The following CCDC141 variants were observed in gnomAD, a reference collection of about 807,000 sequenced individuals.
The protein encoded by CCDC141 is coiled-coil domain containing 141.
In CCDC141, 168 loss-of-function variants were observed where a neutral mutation model predicts 181.0. The ratio of observed to expected loss-of-function variants is 0.93; its 90% CI spans 0.82 to 1.05. CCDC141 has a LOEUF of 1.05. Among genes scored for constraint, CCDC141 ranks in the 50% least tolerant of loss-of-function variants. The pLI, the probability that CCDC141 is intolerant of heterozygous loss-of-function variation, is 0.00. For missense variants in CCDC141, 1,902 were observed against 1,788.5 expected, an observed-to-expected ratio of 1.06 and a Z score of -1.14; for synonymous variants, 666 against 642.3, an observed-to-expected ratio of 1.04 and a Z score of -0.56.
chr2:178,853,422 A>G lies in CCDC141; in HGVS notation c.3244+19T>C. On this transcript the variant is annotated intron_variant, in intron 20 of 23. Transcript: ENST00000443758. ...TTTGTTCAATGGCCAATCACTGGAT[A>G]TCTTAAAAGAGATCTCACCATATAA... 1 of 1,609,152 alleles carries G rather than the reference A, an allele frequency of 6.2e-7. No homozygotes were observed. The highest frequency in any genetic ancestry group is 8.5e-7 in the Non-Finnish European group (1 of 1,177,248).
chr2:178,840,643 G>C (rs1684681735), intron 22 of CCDC141, among the ~76,000 whole-genome samples: 1 of 152,174 alleles, frequency 6.6e-6, no homozygotes, highest in African/African-American at 2.4e-5. Flanking sequence ...TGGTCGTCTA[G>C]ATGGGCACCC....
chr2:178,896,315 G>A (rs11891685), intron 8 of CCDC141, among the ~76,000 whole-genome samples: 1,727 of 152,206 alleles, frequency 0.011, 38 homozygotes, highest in African/African-American at 0.039. Context: ...AGAAGTGACC[G>A]CAACATCCAC....
At chr2:178,941,789 C>CAA (rs112697064) in intron 6 of CCDC141, among the ~76,000 whole-genome samples, 14 of 144,450 alleles carry the variant, frequency 9.7e-5, no homozygotes, top group East Asian at 8.1e-4. Flanking sequence ...CCCGTCTCTA[C>CAA]AAAAAAAAAA....
intron 8 of CCDC141, among the ~76,000 whole-genome samples, chr2:178,905,063 C>T (rs1687896204): frequency 6.6e-6 from 1 of 152,144 alleles, no homozygotes; most frequent in Non-Finnish European, 1.5e-5. Flanking sequence ...TTACTTTGTC[C>T]ATTCCCTTTC....
chr2:178,895,013 G>A (rs1687339566), intron 8 of CCDC141, among the ~76,000 whole-genome samples: 1 of 151,940 alleles, frequency 6.6e-6, no homozygotes, highest in African/African-American at 2.4e-5. Context: ...GTAGTCCCCT[G>A]GCCCTCCTCA....
At chr2:178,877,785 T>C (rs528115871) in intron 12 of CCDC141, 179 bp downstream of exon 12, 2 of 668,568 alleles carry the variant, frequency 3.0e-6, no homozygotes, top group African/African-American at 1.8e-5. Flanking sequence ...CTAACCAAAG[T>C]TCTAGGCCAA....
At chr2:179,014,633 A>G (rs1053550249) in intron 2 of CCDC141, among the ~76,000 whole-genome samples, 1 of 152,172 alleles carries the variant, frequency 6.6e-6, no homozygotes, top group African/African-American at 2.4e-5. Flanking sequence ...ACAATTCTCA[A>G]AAGAAGATAT....
the CCDC141 span, among the ~76,000 whole-genome samples, chr2:178,818,466 C>T: frequency 5.3e-5 from 8 of 152,208 alleles, no homozygotes; most frequent in African/African-American, 1.7e-4. Flanking sequence ...GTGTGTAGTT[C>T]CCCTCCCTGT....
At chr2:178,825,130 G>A (rs530636512), downstream of CCDC141, among the ~76,000 whole-genome samples, 4 of 152,188 alleles carry the variant, frequency 2.6e-5, no homozygotes, top group African/African-American at 9.6e-5. Context: ...AACTAAAAGT[G>A]CCAAAATAGC....
In CCDC141 at chr2:178,885,244, T is replaced by TTAA. The variant is rs535328260; in HGVS notation, c.1528-153_1528-152insTTA. Among the ~76,000 whole-genome samples, 1,995 of 137,178 alleles carry TTAA rather than the reference T, an allele frequency of 0.015. 41 individuals carry two copies. Among genetic ancestry groups the TTAA allele is most frequent in the African/African-American group, 0.05 (1,886 of 37,532 alleles). The allele number at this position is 137,178 out of a possible 152,430, so 90.0% of individuals were successfully genotyped here. On this transcript the variant is annotated intron_variant, in intron 10 of 23. Transcript: ENST00000443758. ...AAGAAAGACACAACTTCCAAAATTC[T>TTAA]AAAAAAAAAAAAAAGGGCACTTTAG...
intron 3 of CCDC141, 43 bp from the exon 4 acceptor site, chr2:178,975,208 A>C: frequency 9.5e-7 from 1 of 1,049,776 alleles, no homozygotes; most frequent in Non-Finnish European, 1.4e-6. Flanking sequence ...CATTTGTATA[A>C]AAATTAACGT....
At chr2:178,825,063 T>C (rs1353387203), downstream of CCDC141, among the ~76,000 whole-genome samples, 1 of 152,134 alleles carries the variant, frequency 6.6e-6, no homozygotes, top group Non-Finnish European at 1.5e-5. Context: ...AAGAAAATAA[T>C]TATACTTAAC....
At chr2:178,940,682 T>A (rs1481642441) in intron 6 of CCDC141, among the ~76,000 whole-genome samples, 1 of 152,192 alleles carries the variant, frequency 6.6e-6, no homozygotes, top group Non-Finnish European at 1.5e-5. Context: ...CCTAAAAGGA[T>A]GCTTCTTCTT....
At chr2:178,828,772 C>T (rs1267787583), downstream of CCDC141, among the ~76,000 whole-genome samples, 1 of 152,168 alleles carries the variant, frequency 6.6e-6, no homozygotes, top group Non-Finnish European at 1.5e-5. Flanking sequence ...CCATCATTAG[C>T]ATAATATGCG....
intron 4 of CCDC141, among the ~76,000 whole-genome samples, chr2:178,965,474 G>A (rs113698297): frequency 0.013 from 1,982 of 152,316 alleles, 44 homozygotes; most frequent in African/African-American, 0.045. Flanking sequence ...CCCATGGAAG[G>A]CGAGCCAAAG....
At chr2:178,911,567 G>A (rs1688219956) in intron 7 of CCDC141, among the ~76,000 whole-genome samples, 1 of 152,156 alleles carries the variant, frequency 6.6e-6, no homozygotes, top group Admixed American at 6.5e-5. Context: ...AAAAGAGTGT[G>A]TACAATTTAT....
chr2:178,980,919 G>A (rs1019575551), intron 2 of CCDC141, among the ~76,000 whole-genome samples: 3 of 152,170 alleles, frequency 2.0e-5, no homozygotes, highest in African/African-American at 7.2e-5. Flanking sequence ...GATGTACCAT[G>A]CTAACACTAG....
At chr2:178,915,192 A>G (rs1030826635) in intron 7 of CCDC141, among the ~76,000 whole-genome samples, 1 of 152,110 alleles carries the variant, frequency 6.6e-6, no homozygotes, top group Non-Finnish European at 1.5e-5. Flanking sequence ...AAAAAAAGAA[A>G]GAAAGAAAAT....
chr2:178,962,025 A>G (rs1237292037), intron 4 of CCDC141, among the ~76,000 whole-genome samples: 2 of 152,212 alleles, frequency 1.3e-5, no homozygotes, highest in Non-Finnish European at 2.9e-5. Flanking sequence ...GGAACTTCCA[A>G]TTATTAAAAG....
Sources: allele counts gnomAD v4.1 joint callset (sites outside exome capture counted in the v4.1 genomes callset), GRCh38; gene constraint gnomAD v4.1.1; transcripts MANE v1.5; gene names NCBI Gene and HGNC (gene_info 2026-07-23, HGNC 2026-07-21).